CNST: variants seen among roughly 807,000 people sequenced by gnomAD.
CNST encodes the protein consortin.
Under a neutral mutation model 72.4 loss-of-function variants are expected in CNST, and 39 were observed. That is an observed-to-expected ratio of 0.54 (90% CI 0.42 to 0.70). The LOEUF (loss-of-function observed/expected upper bound fraction) is 0.70, where lower values mean the gene tolerates loss of function less well. Ranked by LOEUF, CNST falls within the 30% of genes least tolerant of loss-of-function variation. CNST has a pLI of 0.00. For synonymous variants in CNST, 332 were observed against 320.1 expected, an observed-to-expected ratio of 1.04 and a Z score of -0.40; for missense variants, 871 against 868.5, an observed-to-expected ratio of 1.00 and a Z score of -0.04.
intron 1 of CNST, among the ~76,000 whole-genome samples, chr1:246,585,899 G>A (rs897370896): frequency 1.3e-5 from 2 of 152,006 alleles, no homozygotes; most frequent in Non-Finnish European, 2.9e-5. Flanking sequence ...GGGCAACATA[G>A]TGAGACTCTG....
At chr1:246,580,978 AT>A (rs1310935616) in intron 1 of CNST, among the ~76,000 whole-genome samples, 3 of 152,002 alleles carry the variant, frequency 2.0e-5, no homozygotes, top group African/African-American at 7.2e-5. Context: ...ACCTCAAGTG[AT>A]CCCCCCACCT....
At chr1:246,617,773 C>T (rs7535117) in intron 2 of CNST, among the ~76,000 whole-genome samples, 6,698 of 152,202 alleles carry the variant, frequency 0.044, 458 homozygotes, top group African/African-American at 0.14. Flanking sequence ...TTTTAAGTGG[C>T]TTAAAATTCC....
intron 1 of CNST, among the ~76,000 whole-genome samples, chr1:246,582,823 A>G (rs1660886249): frequency 6.6e-6 from 1 of 152,188 alleles, no homozygotes; most frequent in Non-Finnish European, 1.5e-5. Flanking sequence ...GGAACACACC[A>G]TCTCAGAGCT....
chr1:246,667,250 C>T lies in CNST; in HGVS notation c.*1345C>T, dbSNP rs577176305. ...GAACTTACTTTCTAGTTGTTACTGG[C>T]TGGCACAGTACCTCCCTTTGTGTTT... On this transcript the variant is annotated 3_prime_UTR_variant, in exon 11 of 11. Transcript: ENST00000366513. 4 of 152,154 alleles carry T rather than the reference C, an allele frequency of 2.6e-5. No homozygotes were observed. Among genetic ancestry groups the T allele is most frequent in the African/African-American group, 2.4e-5 (1 of 41,442 alleles). 9.4% of individuals were successfully genotyped at this position (152,154 alleles called of 1,614,324 possible).
rs538692290 is a variant in CNST, at chr1:246,665,579, C to T, written c.1973-121C>T. The T allele has an allele frequency of 7.0e-5, 54 of 768,174 alleles. 1 individual carries two copies. In the African/African-American group the frequency reaches 8.8e-4, roughly 13 times the overall value. The allele number at this position is 768,174 out of a possible 1,614,324, so 47.6% of individuals were successfully genotyped here. ...TAGCAGCATGAGTTTTCTGTCAATA[C>T]TTCCTATCCGTAGAGGACCAACAGT... On this transcript the variant is annotated intron_variant, in intron 10 of 10. Coordinates refer to ENST00000366513, the MANE Select transcript of CNST (RefSeq NM_152609.3).
chr1:246,593,734 A>C (rs1433655175), intron 2 of CNST, among the ~76,000 whole-genome samples: 1 of 152,068 alleles, frequency 6.6e-6, no homozygotes, highest in South Asian at 2.1e-4. Context: ...TTCAAGGGCA[A>C]ATTCACCAGG....
intron 8 of CNST, among the ~76,000 whole-genome samples, chr1:246,644,784 T>G (rs1353100329): frequency 6.6e-6 from 1 of 152,236 alleles, no homozygotes; most frequent in African/African-American, 2.4e-5. Context: ...CTGAGTCCTG[T>G]GGACATGTTT....
In CNST at chr1:246,664,638, G is replaced by C. The variant is rs531246623; in HGVS notation, c.1973-1062G>C. On this transcript the variant is annotated intron_variant, in intron 10 of 10. Transcript: ENST00000366513. ...AGACGGGGTTTCACCGTGTCAGCCA[G>C]GATGGTCTCGATCTCCTGACCTCGT... 3.9e-3 allele frequency among the ~76,000 whole-genome samples: 598 copies of C among 151,890 alleles called. 2 individuals are homozygous for C. Among genetic ancestry groups the C allele is most frequent in the African/African-American group, 8.9e-3 (370 of 41,480 alleles).
chr1:246,604,649 TA>T (rs1023572747), intron 2 of CNST, among the ~76,000 whole-genome samples: 2 of 150,800 alleles, frequency 1.3e-5, no homozygotes, highest in African/African-American at 4.9e-5. Context: ...GGAGACGGAA[TA>T]TATATATATA....
intron 1 of CNST, among the ~76,000 whole-genome samples, chr1:246,585,175 C>T (rs3129583): frequency 0.37 from 56,149 of 151,900 alleles, 11,988 homozygotes; most frequent in Middle Eastern, 0.49. Context: ...TGGAAGACCT[C>T]GAACTCTGGT....
chr1:246,645,565 C>G (rs1299544119), intron 8 of CNST, among the ~76,000 whole-genome samples: 1 of 151,554 alleles, frequency 6.6e-6, no homozygotes, highest in Admixed American at 6.6e-5. Context: ...GTAGCTGGGA[C>G]TACAGGCGCC....
At chr1:246,616,079 G>C (rs1663669990) in intron 2 of CNST, among the ~76,000 whole-genome samples, 1 of 152,100 alleles carries the variant, frequency 6.6e-6, no homozygotes, top group South Asian at 2.1e-4. Context: ...GGCTTTCACG[G>C]ATGACAACGA....
intron 1 of CNST, among the ~76,000 whole-genome samples, chr1:246,574,481 A>G (rs553340885): frequency 6.6e-6 from 1 of 152,342 alleles, no homozygotes; most frequent in Admixed American, 6.5e-5. Context: ...GTTGCCATGC[A>G]GTGGCAAGAT....
At chr1:246,652,990 T>C (rs556828303) in intron 9 of CNST, among the ~76,000 whole-genome samples, 85 of 148,422 alleles carry the variant, frequency 5.7e-4, no homozygotes, top group South Asian at 4.9e-3. Context: ...GGCTACAGAG[T>C]GAGACTCTGT....
At chr1:246,652,572 A>G (rs1666508922) in intron 9 of CNST, among the ~76,000 whole-genome samples, 1 of 152,222 alleles carries the variant, frequency 6.6e-6, no homozygotes, top group African/African-American at 2.4e-5. Flanking sequence ...CTACATTTAT[A>G]ATCTGCTTGC....
chr1:246,602,285 CAT>C (rs1303639323), intron 2 of CNST, among the ~76,000 whole-genome samples: 1 of 152,190 alleles, frequency 6.6e-6, no homozygotes, highest in Non-Finnish European at 1.5e-5. Flanking sequence ...AAACAGCAAA[CAT>C]GTATCATCTC....
In CNST at chr1:246,652,969, A is replaced by G. The variant is rs891889141; in HGVS notation, c.1836+4932A>G. ...CAGTGAGCCGAGATTGCACCACTGC[A>G]CTCCAGCCTGGGCTACAGAGTGAGA... On this transcript the variant is annotated intron_variant, in intron 9 of 10. Coordinates refer to ENST00000366513, the MANE Select transcript of CNST (RefSeq NM_152609.3). 4.0e-5 allele frequency among the ~76,000 whole-genome samples: 6 copies of G among 151,110 alleles called. No individual in the cohort carries two copies. In the South Asian group the frequency reaches 6.3e-4, roughly 16 times the overall value.
In CNST at chr1:246,634,956, C is replaced by G. The variant is rs3006087; in HGVS notation, c.818+369C>G. ...GCCTCTCTGTCTATCCTCGGTGGTG[C>G]GTGTCTTCCGGCCGGGGTGCGTGTC... On this transcript the variant is annotated intron_variant, in intron 6 of 10. Transcript: ENST00000366513. Among the ~76,000 whole-genome samples, 755 of 115,258 alleles carry G rather than the reference C, an allele frequency of 6.6e-3. 7 individuals carry two copies. Among genetic ancestry groups the G allele is most frequent in the African/African-American group, 0.016 (495 of 31,610 alleles). The allele number at this position is 115,258 out of a possible 152,430, so 75.6% of individuals were successfully genotyped here.
At chr1:246,605,447 C>T (rs1037032963) in intron 2 of CNST, among the ~76,000 whole-genome samples, 3 of 152,198 alleles carry the variant, frequency 2.0e-5, no homozygotes, top group African/African-American at 7.2e-5. Context: ...CGGGAGCGCG[C>T]CAACAGACAG....
Sources: allele counts gnomAD v4.1 joint callset (sites outside exome capture counted in the v4.1 genomes callset), GRCh38; gene constraint gnomAD v4.1.1; transcripts MANE v1.5; gene names NCBI Gene and HGNC (gene_info 2026-07-23, HGNC 2026-07-21).